FBXO27: variants seen among roughly 807,000 people sequenced by gnomAD.
FBXO27 encodes the protein F-box only protein 27.
In FBXO27, 28 loss-of-function variants were observed where a neutral mutation model predicts 28.3. That is an observed-to-expected ratio of 0.99 (90% CI 0.73 to 1.36). The LOEUF is 1.36. FBXO27 is among the 40% of genes most tolerant of loss of function. FBXO27 has a pLI of 0.00. For missense variants in FBXO27, 388 were observed against 394.1 expected, an observed-to-expected ratio of 0.98 and a Z score of 0.13; for synonymous variants, 175 against 167.3, an observed-to-expected ratio of 1.05 and a Z score of -0.36.
At chr19:39,016,352 C>T (rs1267039423) in intron 1 of FBXO27, among the ~76,000 whole-genome samples, 4 of 149,098 alleles carry the variant, frequency 2.7e-5, no homozygotes, top group East Asian at 1.9e-4. Flanking sequence ...ATGTTGATAG[C>T]GGGAAGGGTG....
At chr19:39,027,301 T>G (rs907953732) in intron 4 of FBXO27, among the ~76,000 whole-genome samples, 2 of 152,074 alleles carry the variant, frequency 1.3e-5, no homozygotes, top group Non-Finnish European at 2.9e-5. Flanking sequence ...CGGTGGGGGC[T>G]GGGAGTCAGG....
downstream of FBXO27, among the ~76,000 whole-genome samples, chr19:39,020,651 A>G (rs1358016718): frequency 6.6e-6 from 1 of 150,702 alleles, no homozygotes; most frequent in Non-Finnish European, 1.5e-5. Context: ...GAGCCAAAAT[A>G]ATAAATTCCT....
chr19:39,026,956 G>C lies in FBXO27; in HGVS notation c.622C>G (p.Leu208Val). Residue 208 changes from leucine (L) to valine (V), a missense_variant, in exon 5 of 6, where the codon CTT (leucine) becomes GTT (valine). Transcript: ENST00000292853. ...SGCMYRLLVQ[L>V]LDANQTVLDK... ...AGAACAGTCTGGTTGGCGTCTAGAA[G>C]TTGGACGAGGAGTCTGTACATACAG... 6.2e-7 allele frequency: 1 copy of C among 1,614,210 alleles called. No individual in the cohort carries two copies. Among genetic ancestry groups the C allele is most frequent in the Non-Finnish European group, 8.5e-7 (1 of 1,180,048 alleles).
At position 39,032,204 on chromosome 19, in the gene FBXO27, GC is replaced by G; in HGVS notation, c.23del (p.Gly8AlafsTer19). 6.8e-7 allele frequency: 1 copy of G among 1,469,500 alleles called. No individual in the cohort carries two copies. Among genetic ancestry groups the G allele is most frequent in the Non-Finnish European group, 9.0e-7 (1 of 1,116,030 alleles). 91.0% of individuals were successfully genotyped at this position (1,469,500 alleles called of 1,614,324 possible). MGASVSR[G>X]RAARVPAPEP... The stretch of plus-strand genomic sequence containing the variant: ...CCGGCGCGGGGACCCGGGCGGCCCG[GC>G]CCCTGGAGACCGAGGCGCCCATGGT... On this transcript the variant is annotated frameshift_variant, in exon 2 of 6. Coordinates refer to ENST00000292853, the MANE Select transcript of FBXO27 (RefSeq NM_178820.5). LOFTEE classifies it high-confidence loss of function. This position sits in a 1 kb window ranked among gnomAD's most constrained non-coding sequence, Gnocchi z 4.7.
Position 39,024,768 on chromosome 19 carries a change from C to T in FBXO27, c.*643G>A, listed in dbSNP as rs1600226877. On this transcript the variant is annotated 3_prime_UTR_variant, in exon 6 of 6. Coordinates refer to ENST00000292853, the MANE Select transcript of FBXO27 (RefSeq NM_178820.5). The stretch of plus-strand genomic sequence containing the variant: ...TGAACTCCTGACCTCAGGTGATCCG[C>T]CTGCCTCAGCCTCCCAAAGTGCTGG... 3 of 152,380 alleles carry T rather than the reference C, an allele frequency of 2.0e-5. No homozygotes were observed. The highest frequency in any genetic ancestry group is 6.8e-3 in the Middle Eastern group (2 of 294). The allele number at this position is 152,380 out of a possible 1,614,324, so 9.4% of individuals were successfully genotyped here. A position where few individuals can be genotyped will look rare whatever the true frequency, so the allele number is the denominator to read the frequency against.
chr19:39,006,522 G>A (rs1015016532), intron 2 of FBXO27, among the ~76,000 whole-genome samples: 2 of 151,824 alleles, frequency 1.3e-5, no homozygotes, highest in African/African-American at 2.4e-5. Context: ...TCACGCCACT[G>A]AACACCAGCC....
chr19:39,031,041 C>G lies in FBXO27; in HGVS notation c.560G>C (p.Cys187Ser). 1 of 1,614,002 alleles carries G rather than the reference C, an allele frequency of 6.2e-7. No homozygotes were observed. Among genetic ancestry groups the G allele is most frequent in the Non-Finnish European group, 8.5e-7 (1 of 1,179,908 alleles). ...ELLDSGRIEI[C>S]VSDWWGARHD... Reference sequence around the variant, plus strand: ...TCGTCACACTCACCAGTCAGAGACACAAATCTCAATCCTGCCACTATCCAG... The same window carrying G: ...TCGTCACACTCACCAGTCAGAGACAGAAATCTCAATCCTGCCACTATCCAG... Residue 187 changes from cysteine to serine, a missense_variant, in exon 4 of 6, where the codon TGT becomes TCT. Cys to Ser is a moderately radical substitution (Grantham distance 112). Coordinates refer to ENST00000292853, the MANE Select transcript of FBXO27 (RefSeq NM_178820.5).
chr19:39,022,473 G>A (rs2144893683), downstream of FBXO27, among the ~76,000 whole-genome samples: 1 of 152,042 alleles, frequency 6.6e-6, no homozygotes, highest in Non-Finnish European at 1.5e-5. Flanking sequence ...TTGAGACAGA[G>A]TTTTGCTCTG....
chr19:39,025,848 C>T (rs921788238), intron 5 of FBXO27, among the ~76,000 whole-genome samples: 3 of 152,028 alleles, frequency 2.0e-5, no homozygotes, highest in African/African-American at 7.2e-5. Flanking sequence ...AACCCTGTCT[C>T]TACTAAAAAT....
chr19:39,028,747 G>A (rs1279366534), intron 4 of FBXO27, among the ~76,000 whole-genome samples: 1 of 151,994 alleles, frequency 6.6e-6, no homozygotes, highest in Non-Finnish European at 1.5e-5. Flanking sequence ...CCTGCAATCC[G>A]AGCTACTGGG....
chr19:39,016,368 G>A (rs1036845259), intron 1 of FBXO27, among the ~76,000 whole-genome samples: 4 of 151,814 alleles, frequency 2.6e-5, no homozygotes, highest in African/African-American at 9.7e-5. Context: ...GGGTGTGTGT[G>A]TGTGTGTGCG....
In FBXO27 at chr19:39,025,274, G is replaced by A; in HGVS notation, c.*137C>T. The A allele has an allele frequency of 8.4e-7, 1 of 1,196,418 alleles. No homozygotes were observed. Among genetic ancestry groups the A allele is most frequent in the Non-Finnish European group, 1.2e-6 (1 of 856,322 alleles). The allele number at this position is 1,196,418 out of a possible 1,614,324, so 74.1% of individuals were successfully genotyped here. ...AGAACCTGAAGACAGGGCCCGTCAG[G>A]GCCTTTGATTGGACCCAGGAATTCT... is the stretch of plus-strand genomic sequence containing the variant. On this transcript the variant is annotated 3_prime_UTR_variant, in exon 6 of 6. Coordinates refer to ENST00000292853, the MANE Select transcript of FBXO27 (RefSeq NM_178820.5).
intron 2 of FBXO27, among the ~76,000 whole-genome samples, chr19:39,013,234 G>A (rs779649079): frequency 1.9e-4 from 29 of 152,142 alleles, no homozygotes; most frequent in Non-Finnish European, 2.9e-4. Flanking sequence ...GAAATGAGGC[G>A]TCTCCCAAGT....
intron 5 of FBXO27, 95 bp downstream of exon 5, chr19:39,026,775 C>T (rs1265482720): frequency 1.9e-6 from 3 of 1,564,158 alleles, no homozygotes; most frequent in Non-Finnish European, 1.7e-6. Flanking sequence ...CCCAGCCAGA[C>T]TGTCACTGAT....
At chr19:39,031,591 C>G (rs1049820801) in intron 2 of FBXO27, among the ~76,000 whole-genome samples, 6 of 149,120 alleles carry the variant, frequency 4.0e-5, no homozygotes, top group Non-Finnish European at 8.9e-5. Flanking sequence ...CACAGGCAAA[C>G]GGTGAAGCCC....
chr19:39,025,085 GT>G lies in FBXO27; in HGVS notation c.*325del. 1.5e-5 allele frequency: 4 copies of G among 275,490 alleles called. No homozygotes were observed. Among genetic ancestry groups the G allele is most frequent in the Non-Finnish European group, 2.8e-5 (4 of 144,656 alleles). The allele number at this position is 275,490 out of a possible 1,614,324, so 17.1% of individuals were successfully genotyped here. A position where few individuals can be genotyped will look rare whatever the true frequency, so the allele number is the denominator to read the frequency against. On this transcript the variant is annotated 3_prime_UTR_variant, in exon 6 of 6. Transcript: ENST00000292853. ...GAGGGGCCTGGGGCTGGATCGGAGG[GT>G]TTTGGTTGGGAGGAGAAGAGAGGGG... is the stretch of plus-strand genomic sequence containing the variant.
chr19:39,023,204 G>C (rs775990183), downstream of FBXO27, among the ~76,000 whole-genome samples: 1 of 152,206 alleles, frequency 6.6e-6, no homozygotes, highest in South Asian at 2.1e-4. Flanking sequence ...CCAGAGTACT[G>C]GGATTACAGG....
intron 2 of FBXO27, among the ~76,000 whole-genome samples, chr19:39,013,745 G>A (rs1338743982): frequency 6.6e-6 from 1 of 152,142 alleles, no homozygotes; most frequent in African/African-American, 2.4e-5. Flanking sequence ...CTGGCGTGGT[G>A]GCTCACATCT....
At chr19:39,031,000 C>T (rs185045871) in intron 4 of FBXO27, 29 bp downstream of exon 4, 114 of 1,586,612 alleles carry the variant, frequency 7.2e-5, no homozygotes, top group Middle Eastern at 6.6e-4. Flanking sequence ...CAGTGCTTAG[C>T]AAGGGGCTAT....
Sources: allele counts gnomAD v4.1 joint callset (sites outside exome capture counted in the v4.1 genomes callset), GRCh38; gene constraint gnomAD v4.1.1; non-coding constraint Gnocchi (gnomAD v3.1); transcripts MANE v1.5; gene names NCBI Gene and HGNC (gene_info 2026-07-23, HGNC 2026-07-21).